USP25: variants seen among roughly 807,000 people sequenced by gnomAD.
USP25 encodes the protein ubiquitin specific peptidase 25, also known as ubiquitin carboxyl-terminal hydrolase 25.
In USP25, 85 loss-of-function variants were observed where a neutral mutation model predicts 158.5. That is an observed-to-expected ratio of 0.54 (90% confidence interval 0.45 to 0.64). USP25 has a LOEUF of 0.64. Among genes scored for constraint, USP25 ranks in the 30% least tolerant of loss-of-function variants. The pLI, the probability that USP25 is intolerant of heterozygous loss-of-function variation, is 0.00. For synonymous variants in USP25, 464 were observed against 460.4 expected (o/e 1.01, Z -0.10); for missense variants, 1,242 against 1,327.3 (o/e 0.94, Z 1.00).
intron 4 of USP25, among the ~76,000 whole-genome samples, chr21:15,790,840 AT>A (rs1208531956): frequency 1.3e-5 from 2 of 151,862 alleles, no homozygotes; most frequent in African/African-American, 2.4e-5. Context: ...TATACTTAAG[AT>A]ATTCATAGGT....
chr21:15,870,143 G>C lies in USP25; in HGVS notation c.2881G>C (p.Glu961Gln). Reference sequence around the variant, plus strand: ...AATTGGGCTAGAAAATTTTCAAAGAGAAAGGTAAGGCAAAGTGGACAAATA... The same window carrying C: ...AATTGGGCTAGAAAATTTTCAAAGACAAAGGTAAGGCAAAGTGGACAAATA... ...LIIGLENFQR[E>Q]SYIDSLLFLI... The change falls in exon 23 of 26, where the codon GAA becomes CAA. Residue 961 changes from glutamate to glutamine, a missense_variant. Coordinates refer to ENST00000400183, the MANE Select transcript of USP25 (RefSeq NM_001283041.3). 6.2e-7 allele frequency: 1 copy of C among 1,606,528 alleles called. No homozygotes were observed. Among genetic ancestry groups the C allele is most frequent in the Non-Finnish European group, 8.5e-7 (1 of 1,176,060 alleles).
At chr21:15,833,989 T>C (rs1185284625) in intron 17 of USP25, among the ~76,000 whole-genome samples, 1 of 152,206 alleles carries the variant, frequency 6.6e-6, no homozygotes, top group African/African-American at 2.4e-5. Context: ...TATATTCATA[T>C]ATACTTTGTG....
chr21:15,849,964 G>A (rs888994710), intron 20 of USP25, 92 bp downstream of exon 20: 1 of 1,028,876 alleles, frequency 9.7e-7, no homozygotes, highest in African/African-American at 1.6e-5. Context: ...TTGGTTTTCT[G>A]TATAATTTCT....
intron 5 of USP25, among the ~76,000 whole-genome samples, chr21:15,796,967 C>T (rs1473999050): frequency 1.3e-5 from 2 of 151,296 alleles, no homozygotes; most frequent in Non-Finnish European, 3.0e-5. Context: ...CTGTAAAGAA[C>T]AAAATGTAAA....
chr21:15,749,439 A>G (rs2032822034), intron 1 of USP25, among the ~76,000 whole-genome samples: 1 of 152,214 alleles, frequency 6.6e-6, no homozygotes, highest in East Asian at 1.9e-4. Context: ...TTTCCGAGTC[A>G]TATATGTTCA....
intron 20 of USP25, among the ~76,000 whole-genome samples, chr21:15,863,549 T>C (rs2039522793): frequency 6.6e-6 from 1 of 152,142 alleles, no homozygotes; most frequent in Non-Finnish European, 1.5e-5. Flanking sequence ...CTCTAGAATT[T>C]TAGTGTTCAA....
At chr21:15,784,308 C>T (rs140186036) in intron 4 of USP25, among the ~76,000 whole-genome samples, 2,820 of 152,236 alleles carry the variant, frequency 0.019, 49 homozygotes, top group South Asian at 0.026. Flanking sequence ...CGTGGTGGCT[C>T]ACGCCTGTAA....
At chr21:15,765,204 G>A (rs1385773947) in intron 2 of USP25, among the ~76,000 whole-genome samples, 1 of 151,972 alleles carries the variant, frequency 6.6e-6, no homozygotes, top group Non-Finnish European at 1.5e-5. Context: ...GAATATCTGG[G>A]TTTCCTATGT....
intron 1 of USP25, chr21:15,744,803 G>A (rs983630317): frequency 3.9e-5 from 6 of 152,394 alleles, no homozygotes; most frequent in African/African-American, 1.4e-4. Context: ...GTCCAGGCGA[G>A]TCTTGAACTC....
At chr21:15,773,740 A>G (rs933653427) in intron 3 of USP25, among the ~76,000 whole-genome samples, 1 of 152,200 alleles carries the variant, frequency 6.6e-6, no homozygotes, top group Non-Finnish European at 1.5e-5. Context: ...GGTACATAAA[A>G]TTTACTATTT....
intron 20 of USP25, among the ~76,000 whole-genome samples, chr21:15,863,339 CATT>C (rs1218427143): frequency 6.6e-6 from 1 of 151,922 alleles, no homozygotes; most frequent in South Asian, 2.1e-4. Flanking sequence ...AATATATTAT[CATT>C]ATTATTCTTA....
rs532435131 is a variant in USP25 at position 15,866,120 on chromosome 21, C to A, written c.2727-146C>A. ...ACATTGGTCCCAAAAATGTTTTTCA[C>A]TTAAGGTTATTTAGGAGTTGTTTCT... On this transcript the variant is annotated intron_variant, in intron 21 of 25. Transcript: ENST00000400183. 145 of 391,406 alleles carry A rather than the reference C, an allele frequency of 3.7e-4. 2 individuals are homozygous for A. Among genetic ancestry groups the A allele is most frequent in the Admixed American group, 2.0e-3 (44 of 22,002 alleles). The allele number at this position is 391,406 out of a possible 1,614,324, so 24.2% of individuals were successfully genotyped here. A position where few individuals can be genotyped will look rare whatever the true frequency, so the allele number is the denominator to read the frequency against.
chr21:15,805,347 G>A, intron 7 of USP25, 89 bp downstream of exon 7: 1 of 1,246,022 alleles, frequency 8.0e-7, no homozygotes, highest in Non-Finnish European at 1.0e-6. Context: ...GAGACTATTT[G>A]AGATGCATGA....
chr21:15,824,881 G>T, intron 11 of USP25, 85 bp from the exon 12 acceptor site: 1 of 1,080,508 alleles, frequency 9.3e-7, no homozygotes, highest in South Asian at 1.3e-5. Context: ...GTCCCAGAGT[G>T]GTAGGCCGGG....
chr21:15,748,913 C>A (rs1043311432), intron 1 of USP25, among the ~76,000 whole-genome samples: 13 of 152,108 alleles, frequency 8.5e-5, no homozygotes, highest in Non-Finnish European at 1.0e-4. Context: ...AACTATACTG[C>A]ATTTCTGACT....
chr21:15,830,448 G>A, intron 14 of USP25, 83 bp from the exon 15 acceptor site: 2 of 1,215,556 alleles, frequency 1.6e-6, no homozygotes, highest in African/African-American at 3.1e-5. Flanking sequence ...CCTCTAACAT[G>A]TTTGTAGGAA....
At chr21:15,860,567 T>G (rs2039381764) in intron 20 of USP25, among the ~76,000 whole-genome samples, 1 of 152,182 alleles carries the variant, frequency 6.6e-6, no homozygotes, top group Non-Finnish European at 1.5e-5. Flanking sequence ...TTTTAAATTT[T>G]CTAAGTATTT....
At chr21:15,775,862 TC>T (rs1568788893) in intron 3 of USP25, among the ~76,000 whole-genome samples, 1 of 151,224 alleles carries the variant, frequency 6.6e-6, no homozygotes, top group African/African-American at 2.4e-5. Context: ...AGATAGTTTT[TC>T]TGTTTTTTTT....
chr21:15,864,308 A>C lies in USP25; in HGVS notation c.2588A>C (p.Gln863Pro). The C allele has an allele frequency of 6.2e-7, 1 of 1,611,558 alleles. No individual in the cohort carries two copies. Among genetic ancestry groups the C allele is most frequent in the Non-Finnish European group, 8.5e-7 (1 of 1,179,350 alleles). ...TATGCAAGGTTGGTTAAGTTGGCCC[A>C]AGAAGACACCCCACCAGAAACCGAT... ...LEYARLVKLA[Q>P]EDTPPETDYR... Residue 863 changes from glutamine (Q) to proline (P), a missense_variant, in exon 21 of 26, where the codon CAA becomes CCA. Coordinates refer to ENST00000400183, the MANE Select transcript of USP25 (RefSeq NM_001283041.3).
Sources: allele counts gnomAD v4.1 joint callset (sites outside exome capture counted in the v4.1 genomes callset), GRCh38; gene constraint gnomAD v4.1.1; transcripts MANE v1.5; gene names NCBI Gene and HGNC (gene_info 2026-07-23, HGNC 2026-07-21).